CTNNA3: variants seen among roughly 807,000 people sequenced by gnomAD.
CTNNA3 encodes catenin alpha-3.
In CTNNA3, 76 loss-of-function variants were observed where a neutral mutation model predicts 95.7. The ratio of observed to expected loss-of-function variants is 0.79; its 90% CI spans 0.66 to 0.96. The LOEUF (loss-of-function observed/expected upper bound fraction) is 0.96, where lower values mean the gene tolerates loss of function less well. CTNNA3 is among the 40% of genes least tolerant of loss of function. The pLI is 0.00. For missense variants in CTNNA3, 1,191 were observed against 1,089.8 expected (o/e 1.09, Z -1.31); for synonymous variants, 431 against 374.4 (o/e 1.15, Z -1.74).
chr10:66,975,044 G>T (rs1849952629), intron 7 of CTNNA3, among the ~76,000 whole-genome samples: 1 of 152,048 alleles, frequency 6.6e-6, no homozygotes, highest in South Asian at 2.1e-4. Flanking sequence ...TGAGTAATCT[G>T]GTATTTTAGA....
At chr10:67,111,240 T>C (rs893280864) in intron 7 of CTNNA3, among the ~76,000 whole-genome samples, 1 of 152,084 alleles carries the variant, frequency 6.6e-6, no homozygotes, top group African/African-American at 2.4e-5. Context: ...TCTTGAAAAA[T>C]GAAATGTCCA....
rs1865913697 is a variant in CTNNA3 at position 67,246,473 on chromosome 10, C to A, written c.580-26603G>T. ...GCCTCTAATGCAGAAATAAACCATT[C>A]AAAAATTCATTCCATATAGCATACC... is the stretch of plus-strand genomic sequence containing the variant. On this transcript the variant is annotated intron_variant, in intron 5 of 17. Transcript: ENST00000433211. Among the ~76,000 whole-genome samples, 5 of 152,160 alleles carry A rather than the reference C, an allele frequency of 3.3e-5. No individual in the cohort carries two copies. In the South Asian group the frequency reaches 1.0e-3, roughly 31 times the overall value.
At chr10:66,479,703 TAAGAC>T (rs1839448249) in intron 11 of CTNNA3, among the ~76,000 whole-genome samples, 3 of 152,162 alleles carry the variant, frequency 2.0e-5, no homozygotes, top group African/African-American at 7.2e-5. Context: ...AGTGTTGTGG[TAAGAC>T]AAGAGTACGG....
intron 15 of CTNNA3, among the ~76,000 whole-genome samples, chr10:65,998,312 T>G (rs1269893521): frequency 6.6e-6 from 1 of 152,182 alleles, no homozygotes; most frequent in African/African-American, 2.4e-5. Context: ...CACCAAGAGC[T>G]CCTTTCTTTA....
chr10:66,531,610 A>G (rs1484383918), intron 10 of CTNNA3, among the ~76,000 whole-genome samples: 1 of 152,198 alleles, frequency 6.6e-6, no homozygotes, highest in Non-Finnish European at 1.5e-5. Flanking sequence ...AAAGAATACT[A>G]TACACAAATA....
intron 1 of CTNNA3, among the ~76,000 whole-genome samples, chr10:67,655,953 T>C (rs1840013626): frequency 2.0e-5 from 3 of 152,114 alleles, no homozygotes; most frequent in Admixed American, 2.0e-4. Context: ...ACAAGAAGAT[T>C]TAAGTAAAGG....
chr10:66,061,504 C>A (rs1045764200), intron 15 of CTNNA3, among the ~76,000 whole-genome samples: 2 of 152,112 alleles, frequency 1.3e-5, no homozygotes, highest in Non-Finnish European at 2.9e-5. Flanking sequence ...GCCTGTCCCT[C>A]TTCTCACTTA....
chr10:67,233,260 A>G (rs1484951073), intron 5 of CTNNA3, among the ~76,000 whole-genome samples: 2 of 152,012 alleles, frequency 1.3e-5, no homozygotes, highest in African/African-American at 2.4e-5. Context: ...CATACTTGGA[A>G]GTAAAGCTCT....
At chr10:66,063,213 TAGATATAG>T (rs1004850769) in intron 15 of CTNNA3, among the ~76,000 whole-genome samples, 7 of 73,792 alleles carry the variant, frequency 9.5e-5, no homozygotes, top group East Asian at 4.0e-4. Flanking sequence ...TATATATATA[TAGATATAG>T]ATATAGATAG....
intron 7 of CTNNA3, among the ~76,000 whole-genome samples, chr10:67,031,610 A>G (rs529316654): frequency 1.1e-3 from 162 of 152,352 alleles, no homozygotes; most frequent in Non-Finnish European, 1.8e-3. Flanking sequence ...AAGTCAGGTT[A>G]TTAGAACTTA....
intron 17 of CTNNA3, among the ~76,000 whole-genome samples, chr10:65,934,283 C>T (rs2077301409): frequency 6.6e-6 from 1 of 152,122 alleles, no homozygotes; most frequent in South Asian, 2.1e-4. Flanking sequence ...GATGAGGTTC[C>T]ACATTCTAAC....
intron 17 of CTNNA3, among the ~76,000 whole-genome samples, chr10:65,965,468 G>A (rs921414742): frequency 7.4e-5 from 10 of 134,574 alleles, no homozygotes; most frequent in East Asian, 4.7e-4. Flanking sequence ...GCAGTGGCAC[G>A]ATCTCGGCTA....
chr10:66,157,446 T>TA lies in CTNNA3; in HGVS notation c.1885-54198_1885-54197insT, dbSNP rs891989529. Among the ~76,000 whole-genome samples the TA allele has an allele frequency of 7.9e-3, 1,193 of 151,112 alleles. 26 individuals are homozygous for TA. The highest frequency in any genetic ancestry group is 0.074 in the South Asian group (347 of 4,720). On this transcript the variant is annotated intron_variant, in intron 13 of 17. Coordinates refer to ENST00000433211, the MANE Select transcript of CTNNA3 (RefSeq NM_013266.4). ...GTAGGTAGGTAGATAGATAGATAGA[T>TA]GATAGATAGATAGATAGATAGACAG...
intron 12 of CTNNA3, among the ~76,000 whole-genome samples, chr10:66,341,667 C>G (rs1459318757): frequency 6.6e-6 from 1 of 151,848 alleles, no homozygotes; most frequent in African/African-American, 2.4e-5. Flanking sequence ...TCTAAGAAAA[C>G]AGATGTAAAC....
At chr10:67,309,817 G>A (rs755042496) in intron 5 of CTNNA3, among the ~76,000 whole-genome samples, 17 of 151,912 alleles carry the variant, frequency 1.1e-4, no homozygotes, top group Non-Finnish European at 2.4e-4. Flanking sequence ...TACCATTGCC[G>A]GCCAAAAGGA....
At chr10:65,996,675 G>A (rs1346303452) in intron 15 of CTNNA3, among the ~76,000 whole-genome samples, 1 of 152,122 alleles carries the variant, frequency 6.6e-6, no homozygotes, top group Admixed American at 6.5e-5. Context: ...AGGGGTCAAG[G>A]AACTCTCCAG....
chr10:66,603,172 G>A (rs575983699), intron 10 of CTNNA3, among the ~76,000 whole-genome samples: 50 of 152,108 alleles, frequency 3.3e-4, no homozygotes, highest in South Asian at 6.2e-4. Flanking sequence ...TGTATATAGC[G>A]TGATTTTATA....
At chr10:67,712,326 G>T (rs995899930) in intron 1 of CTNNA3, among the ~76,000 whole-genome samples, 4 of 152,216 alleles carry the variant, frequency 2.6e-5, no homozygotes, top group Admixed American at 2.6e-4. Flanking sequence ...GCTGGCTGCA[G>T]AAATTTGCAT....
intron 5 of CTNNA3, among the ~76,000 whole-genome samples, chr10:67,353,933 A>G (rs1251126598): frequency 6.6e-6 from 1 of 152,036 alleles, no homozygotes; most frequent in Non-Finnish European, 1.5e-5. Flanking sequence ...GAAGAGACCG[A>G]ACTTCAGGTT....
Sources: allele counts gnomAD v4.1 joint callset (sites outside exome capture counted in the v4.1 genomes callset), GRCh38; gene constraint gnomAD v4.1.1; transcripts MANE v1.5; gene names NCBI Gene and HGNC (gene_info 2026-07-23, HGNC 2026-07-21).